Variants in MYLK observed in about 807,000 individuals in gnomAD.
The protein encoded by MYLK is myosin light chain kinase.
Under a neutral mutation model 203.4 loss-of-function variants are expected in MYLK, and 106 were observed. The observed-to-expected ratio is 0.52, with a 90% CI of 0.45 to 0.61. The LOEUF is 0.61. Among genes scored for constraint, MYLK ranks in the 20% least tolerant of loss-of-function variants. The pLI, the probability that MYLK is intolerant of heterozygous loss-of-function variation, is 0.00. For missense variants in MYLK, 2,072 were observed against 2,442.3 expected (o/e 0.85, Z 3.20); for synonymous variants, 867 against 959.5 (o/e 0.90, Z 1.78).
intron 4 of MYLK, among the ~76,000 whole-genome samples, chr3:123,761,262 A>C (rs1032925793): frequency 6.6e-6 from 1 of 152,208 alleles, no homozygotes; most frequent in African/African-American, 2.4e-5. Flanking sequence ...GGTGGGCAAA[A>C]GTGACCTGAG....
At chr3:123,782,279 T>A (rs922210780) in intron 4 of MYLK, among the ~76,000 whole-genome samples, 10 of 152,186 alleles carry the variant, frequency 6.6e-5, no homozygotes, top group African/African-American at 2.4e-4. Context: ...TGGAAAGAAA[T>A]GCAATGAGGT....
At chr3:123,817,494 C>T (rs540930047) in intron 3 of MYLK, among the ~76,000 whole-genome samples, 68 of 152,346 alleles carry the variant, frequency 4.5e-4, no homozygotes, top group Admixed American at 3.7e-3. Flanking sequence ...CCTACAGCTA[C>T]ACCAGGGGAG....
intron 4 of MYLK, among the ~76,000 whole-genome samples, chr3:123,762,919 T>C (rs894992335): frequency 1.3e-5 from 2 of 152,234 alleles, no homozygotes; most frequent in Non-Finnish European, 2.9e-5. Context: ...GTCTGTGGTA[T>C]TTTGTTATAG....
intron 1 of MYLK, among the ~76,000 whole-genome samples, chr3:123,883,547 T>A (rs1481950866): frequency 1.3e-5 from 2 of 152,168 alleles, no homozygotes; most frequent in Non-Finnish European, 2.9e-5. Flanking sequence ...GGGTTTTAGT[T>A]CCATAAGTTC....
At chr3:123,735,220 C>A in intron 9 of MYLK, 178 bp downstream of exon 9, 1 of 828,364 alleles carries the variant, frequency 1.2e-6, no homozygotes, top group Non-Finnish European at 2.1e-6. Flanking sequence ...TGAGATAGAA[C>A]CCGTGTGTCA....
At chr3:123,850,710 T>C (rs969341665) in intron 2 of MYLK, among the ~76,000 whole-genome samples, 1 of 152,246 alleles carries the variant, frequency 6.6e-6, no homozygotes, top group African/African-American at 2.4e-5. Flanking sequence ...TTCACTCTGA[T>C]GGTAGTTTCT....
rs374922047 is a variant in MYLK at position 123,728,784 on chromosome 3, G to A, written c.1517-2706C>T. ...TCAGAGCTCCTGAAAAACCCCATGC[G>A]TAAGAGAATGGTCACTATTTGCCCT... On this transcript the variant is annotated intron_variant, in intron 11 of 33. Transcript: ENST00000360304. Among the ~76,000 whole-genome samples, 54 of 152,246 alleles carry A rather than the reference G, an allele frequency of 3.5e-4. 2 individuals carry two copies. The highest frequency in any genetic ancestry group is 2.1e-3 in the Admixed American group (32 of 15,292).
intron 3 of MYLK, among the ~76,000 whole-genome samples, chr3:123,827,652 T>G (rs1363150675): frequency 7.9e-6 from 1 of 126,964 alleles, no homozygotes; most frequent in East Asian, 2.2e-4. Flanking sequence ...CAAGAAATGC[T>G]CAAGGGATTC....
In MYLK at chr3:123,640,247, A is replaced by G. The variant is rs1486277534; in HGVS notation, c.4837+40T>C. On this transcript the variant is annotated intron_variant, in intron 28 of 33. Transcript: ENST00000360304. The surrounding 1 kb of genome is among the most constrained non-coding windows in gnomAD (Gnocchi z 4.3). The stretch of plus-strand genomic sequence containing the variant: ...AGTGTGAGAGGAAACGGCCAGTGCA[A>G]TACACACTGGTGTCCATGGGAGAGG... 3.2e-6 allele frequency: 5 copies of G among 1,567,206 alleles called. No homozygotes were observed. The highest frequency in any genetic ancestry group is 3.3e-4 in the Middle Eastern group (2 of 5,996).
chr3:123,684,617 G>A (rs768146085), intron 19 of MYLK, among the ~76,000 whole-genome samples: 1 of 151,254 alleles, frequency 6.6e-6, no homozygotes, highest in African/African-American at 2.5e-5. Context: ...CATGATCTCG[G>A]CTCACTGCAA....
intron 4 of MYLK, among the ~76,000 whole-genome samples, chr3:123,784,575 T>C (rs1382640661): frequency 6.6e-6 from 1 of 152,104 alleles, no homozygotes; most frequent in Non-Finnish European, 1.5e-5. Flanking sequence ...CCCTCTACTT[T>C]CGGCTTGCCA....
In MYLK at chr3:123,700,702, C is replaced by A. The variant is rs1308412635; in HGVS notation, c.2766G>T (p.Gln922His). 1.2e-6 allele frequency: 2 copies of A among 1,614,192 alleles called. No individual in the cohort carries two copies. Among genetic ancestry groups the A allele is most frequent in the Non-Finnish European group, 1.7e-6 (2 of 1,180,044 alleles). ...EDDLKEIPAE[Q>H]MDFRANLQRQ... ...GCTGCAGGTTGGCACGGAAATCCAT[C>A]TGCTCGGCTGGGATCTCCTTCAGGT... Residue 922 changes from glutamine (Q) to histidine (H), a missense_variant, in exon 18 of 34, where the codon CAG becomes CAT. By Grantham distance (24) the Gln-to-His change is conservative. Coordinates refer to ENST00000360304, the MANE Select transcript of MYLK (RefSeq NM_053025.4).
intron 3 of MYLK, among the ~76,000 whole-genome samples, chr3:123,824,046 C>T (rs1016287305): frequency 6.6e-6 from 1 of 152,092 alleles, no homozygotes; most frequent in Non-Finnish European, 1.5e-5. Context: ...TACCCCTCTA[C>T]CCAATCTCTT....
intron 5 of MYLK, among the ~76,000 whole-genome samples, chr3:123,740,459 T>C (rs532650469): frequency 6.6e-6 from 1 of 152,350 alleles, no homozygotes; most frequent in South Asian, 2.1e-4. Context: ...CCCATGCCTA[T>C]CTCTTACCAC....
chr3:123,713,079 T>C (rs1366622323), intron 13 of MYLK, among the ~76,000 whole-genome samples: 2 of 152,250 alleles, frequency 1.3e-5, no homozygotes, highest in African/African-American at 4.8e-5. Context: ...CAAGCTTTCA[T>C]TGCACCCCCT....
chr3:123,791,930 C>A (rs936459279), intron 4 of MYLK, among the ~76,000 whole-genome samples: 14 of 152,240 alleles, frequency 9.2e-5, no homozygotes, highest in African/African-American at 3.4e-4. Flanking sequence ...ATCAACTTTT[C>A]TTCTTCCACC....
intron 29 of MYLK, among the ~76,000 whole-genome samples, chr3:123,630,999 C>T (rs950446100): frequency 1.3e-5 from 2 of 152,180 alleles, no homozygotes. Context: ...TAATGCTCTG[C>T]TGCTGTCGTC....
At chr3:123,790,137 C>T (rs1406840830) in intron 4 of MYLK, among the ~76,000 whole-genome samples, 5 of 152,208 alleles carry the variant, frequency 3.3e-5, no homozygotes, top group Admixed American at 3.3e-4. Context: ...AGCGTGCAGG[C>T]TTGTTGCCTC....
At chr3:123,790,228 A>C (rs1364755885) in intron 4 of MYLK, among the ~76,000 whole-genome samples, 2 of 152,218 alleles carry the variant, frequency 1.3e-5, no homozygotes, top group Non-Finnish European at 2.9e-5. Flanking sequence ...GAAATATGAG[A>C]GCACCAGTGA....
Sources: allele counts gnomAD v4.1 joint callset (sites outside exome capture counted in the v4.1 genomes callset), GRCh38; gene constraint gnomAD v4.1.1; non-coding constraint Gnocchi (gnomAD v3.1); transcripts MANE v1.5; gene names NCBI Gene and HGNC (gene_info 2026-07-23, HGNC 2026-07-21).